GSE1: variants seen among roughly 807,000 people sequenced by gnomAD.
The protein encoded by GSE1 is Gse1 coiled-coil protein.
Under a neutral mutation model 112.6 loss-of-function variants are expected in GSE1, and 32 were observed. The ratio of observed to expected loss-of-function variants is 0.28; its 90% confidence interval spans 0.21 to 0.38. The LOEUF (loss-of-function observed/expected upper bound fraction) is 0.38. Among genes scored for constraint, GSE1 ranks in the 10% least tolerant of loss-of-function variants. The probability of loss-of-function intolerance (pLI) is 1.00; values close to 1 mark genes in which losing one functional copy is unlikely to be tolerated. For missense variants in GSE1, 2,348 were observed against 1,699.2 expected (o/e 1.38, Z -6.71); for synonymous variants, 1,115 against 735.6 (o/e 1.52, Z -8.35).
chr16:85,224,716 G>T (rs769449892), intron 1 of GSE1, among the ~76,000 whole-genome samples: 1 of 152,140 alleles, frequency 6.6e-6, no homozygotes, highest in Non-Finnish European at 1.5e-5. Flanking sequence ...TTGGCTGGGC[G>T]CAGTGGCTCA....
At chr16:85,476,623 A>T (rs1313304537) in intron 2 of GSE1, among the ~76,000 whole-genome samples, 10 of 142,412 alleles carry the variant, frequency 7.0e-5, no homozygotes, top group African/African-American at 2.5e-4. Flanking sequence ...CACTGTGATG[A>T]TGTAATTCTT....
At position 85,596,966 on chromosome 16, in the gene GSE1, TTTTG is replaced by T. The variant is rs113778336; in HGVS notation, c.37+40627_37+40630del. Among the ~76,000 whole-genome samples, 205 of 151,706 alleles carry T rather than the reference TTTTG, an allele frequency of 1.4e-3. 1 individual carries two copies. Among genetic ancestry groups the T allele is most frequent in the African/African-American group, 2.1e-3 (87 of 41,184 alleles). On this transcript the variant is annotated intron_variant, in intron 1 of 2. Transcript: ENST00000635906. The stretch of plus-strand genomic sequence containing the variant: ...CAGAAGAATGGCTTTGTAGTTGTTT[TTTTG>T]TTTGTTTGTTTGTTTGTTTGTTTTT...
chr16:85,394,854 G>A (rs1186289259), intron 2 of GSE1, among the ~76,000 whole-genome samples: 8 of 152,160 alleles, frequency 5.3e-5, no homozygotes, highest in South Asian at 2.1e-4. Flanking sequence ...TTGGGCACAC[G>A]GTTTCTGGGC....
intron 2 of GSE1, among the ~76,000 whole-genome samples, chr16:85,403,696 G>C (rs1033942277): frequency 1.3e-5 from 2 of 152,162 alleles, no homozygotes; most frequent in Admixed American, 1.3e-4. Flanking sequence ...CAGCTATGTG[G>C]GAGGCTGAGA....
At chr16:85,483,350 A>C (rs921056595) in intron 2 of GSE1, among the ~76,000 whole-genome samples, 1 of 152,228 alleles carries the variant, frequency 6.6e-6, no homozygotes, top group Non-Finnish European at 1.5e-5. Flanking sequence ...GAGTACGTGG[A>C]GTTGAGTCCC....
chr16:85,400,255 G>C (rs79691762), intron 2 of GSE1, among the ~76,000 whole-genome samples: 69,106 of 112,128 alleles, frequency 0.62, 17,402 homozygotes, highest in Middle Eastern at 0.76. Flanking sequence ...AGGGTTGTGT[G>C]TGTGTGTGTG....
chr16:85,223,545 G>T (rs1351401780), intron 1 of GSE1, among the ~76,000 whole-genome samples: 1 of 151,856 alleles, frequency 6.6e-6, no homozygotes, highest in Non-Finnish European at 1.5e-5. Flanking sequence ...CAAAAAAATT[G>T]TGGTAAGATA....
In GSE1 at chr16:85,508,571, C is replaced by T. The variant is rs140081375; in HGVS notation, c.2465-125343C>T. Among the ~76,000 whole-genome samples, 1,503 of 152,330 alleles carry T rather than the reference C, an allele frequency of 9.9e-3. 27 individuals are homozygous for T. The highest frequency in any genetic ancestry group is 0.033 in the African/African-American group (1,372 of 41,564). Reference sequence around the variant, plus strand: ...GCCTGGGCCTCCAGCCGTCCACCCCCTCAGCTGTGGCCTGGATGGGTGTCA... The same window carrying T: ...GCCTGGGCCTCCAGCCGTCCACCCCTTCAGCTGTGGCCTGGATGGGTGTCA... On this transcript the variant is annotated intron_variant, in intron 2 of 2. Coordinates refer to the GSE1 transcript ENST00000637419.
chr16:85,590,913 C>T (rs973184426), intron 1 of GSE1, among the ~76,000 whole-genome samples: 1 of 152,080 alleles, frequency 6.6e-6, no homozygotes, highest in African/African-American at 2.4e-5. Context: ...AAGCTTGGGC[C>T]GCACTCGGTG....
In GSE1 at chr16:85,434,920, C is replaced by G. The variant is rs1012003239; in HGVS notation, c.2464+77277C>G. On this transcript the variant is annotated intron_variant, in intron 2 of 2. Coordinates refer to the GSE1 transcript ENST00000637419. Reference sequence around the variant, plus strand: ...TCCTACTGGGGTGGGCCCCTGTGGTCGCAGCCTTTCCCTGTCCCCTCCCCA... The same window carrying G: ...TCCTACTGGGGTGGGCCCCTGTGGTGGCAGCCTTTCCCTGTCCCCTCCCCA... Among the ~76,000 whole-genome samples the G allele has an allele frequency of 7.2e-5, 11 of 152,236 alleles. 1 individual carries two copies. The highest frequency in any genetic ancestry group is 2.0e-4 in the Admixed American group (3 of 15,294).
intron 1 of GSE1, among the ~76,000 whole-genome samples, chr16:85,293,327 C>G (rs2045275663): frequency 6.6e-6 from 1 of 152,148 alleles, no homozygotes; most frequent in Non-Finnish European, 1.5e-5. Flanking sequence ...GGGTGCATCA[C>G]TTGAACTCAG....
intron 2 of GSE1, among the ~76,000 whole-genome samples, chr16:85,541,781 G>A (rs564980652): frequency 1.4e-4 from 21 of 152,212 alleles, no homozygotes; most frequent in Non-Finnish European, 2.5e-4. Context: ...TTCCACATGC[G>A]TGTACTCTGT....
intron 2 of GSE1, among the ~76,000 whole-genome samples, chr16:85,367,252 C>G (rs2047203806): frequency 6.6e-6 from 1 of 152,206 alleles, no homozygotes; most frequent in Admixed American, 6.5e-5. Context: ...TCTCTCCTGG[C>G]TGGCAACTTC....
chr16:85,496,923 G>C (rs1218359193), intron 2 of GSE1, among the ~76,000 whole-genome samples: 1 of 148,040 alleles, frequency 6.8e-6, no homozygotes, highest in African/African-American at 2.5e-5. Flanking sequence ...TCTTGAAATG[G>C]AGTCTCACTC....
chr16:85,343,652 A>T (rs963725283), intron 1 of GSE1, among the ~76,000 whole-genome samples: 2 of 152,172 alleles, frequency 1.3e-5, no homozygotes, highest in African/African-American at 4.8e-5. Flanking sequence ...GAGGAGGCTG[A>T]GGTGGGAGGA....
At chr16:85,420,014 G>A (rs1242626434) in intron 2 of GSE1, among the ~76,000 whole-genome samples, 3 of 152,212 alleles carry the variant, frequency 2.0e-5, no homozygotes, top group Non-Finnish European at 2.9e-5. Context: ...TGACATCGGG[G>A]CCAGGGATGC....
At position 85,336,435 on chromosome 16, in the gene GSE1, A is replaced by G. The variant is rs532109234; in HGVS notation, c.2284-21028A>G. 7.9e-5 allele frequency among the ~76,000 whole-genome samples: 12 copies of G among 152,280 alleles called. No individual in the cohort carries two copies. In the South Asian group the frequency reaches 2.1e-3, roughly 26 times the overall value. ...TGCCGACCAGTCGGTGGCGTTCAGCACAGAAGGGGCAGAATCAGAGGTGCA... is the reference window on the plus strand; with the variant it reads ...TGCCGACCAGTCGGTGGCGTTCAGCGCAGAAGGGGCAGAATCAGAGGTGCA... On this transcript the variant is annotated intron_variant, in intron 1 of 2. Coordinates refer to the GSE1 transcript ENST00000637419.
intron 1 of GSE1, among the ~76,000 whole-genome samples, chr16:85,600,441 T>C (rs1200099082): frequency 2.0e-5 from 3 of 151,886 alleles, no homozygotes; most frequent in African/African-American, 7.3e-5. Context: ...CCACTGTCTT[T>C]CGTGGGAGAG....
intron 2 of GSE1, among the ~76,000 whole-genome samples, chr16:85,404,791 GC>G (rs1478812396): frequency 1.0e-4 from 3 of 28,780 alleles, no homozygotes; most frequent in African/African-American, 2.4e-4. Flanking sequence ...TACACTCAGG[GC>G]CCCCCTGGAT....
Sources: allele counts gnomAD v4.1 joint callset (sites outside exome capture counted in the v4.1 genomes callset), GRCh38; gene constraint gnomAD v4.1.1; transcripts MANE v1.5; gene names NCBI Gene and HGNC (gene_info 2026-07-23, HGNC 2026-07-21).